Variants in GNPTAB observed in about 807,000 individuals in gnomAD.
GNPTAB encodes the protein N-acetylglucosamine-1-phosphate transferase subunits alpha and beta.
A neutral mutation model predicts 136.6 loss-of-function variants in GNPTAB; 92 were observed. The ratio of observed to expected loss-of-function variants is 0.67; its 90% CI spans 0.57 to 0.80. The LOEUF (loss-of-function observed/expected upper bound fraction) is 0.80. Ranked by LOEUF, GNPTAB falls within the 30% of genes least tolerant of loss-of-function variation. GNPTAB has a pLI of 0.00. For synonymous variants in GNPTAB, 512 were observed against 535.1 expected, an observed-to-expected ratio of 0.96 and a Z score of 0.60; for missense variants, 1,343 against 1,501.8, an observed-to-expected ratio of 0.89 and a Z score of 1.75.
At chr12:101,749,505 T>C (rs1182508947) in intron 19 of GNPTAB, among the ~76,000 whole-genome samples, 1 of 152,236 alleles carries the variant, frequency 6.6e-6, no homozygotes, top group East Asian at 1.9e-4. Flanking sequence ...ATTTATTCAC[T>C]CAGTTTCTTG....
At position 101,791,991 on chromosome 12, in the gene GNPTAB, G is replaced by A. The variant is rs1044832802; in HGVS notation, c.204-1934C>T. ...CTTCACGGAGCTTACATTCCAGAAG[G>A]GAGAAGACAGGAAGTAAATCAAATA... On this transcript the variant is annotated intron_variant, in intron 2 of 20. Coordinates refer to ENST00000299314, the MANE Select transcript of GNPTAB (RefSeq NM_024312.5). Among the ~76,000 whole-genome samples the A allele has an allele frequency of 3.9e-5, 6 of 152,268 alleles. 1 individual carries two copies. Among genetic ancestry groups the A allele is most frequent in the Admixed American group, 3.9e-4 (6 of 15,288 alleles).
At chr12:101,777,302 C>T (rs75665617) in intron 7 of GNPTAB, among the ~76,000 whole-genome samples, 1,923 of 152,292 alleles carry the variant, frequency 0.013, 14 homozygotes, top group Non-Finnish European at 0.02. Context: ...CTAGTATGTT[C>T]CTTAGAAGCA....
intron 1 of GNPTAB, among the ~76,000 whole-genome samples, chr12:101,818,129 A>C (rs1428962316): frequency 6.6e-6 from 1 of 152,084 alleles, no homozygotes; most frequent in African/African-American, 2.4e-5. Flanking sequence ...GAAGTTAATA[A>C]TGTCTCATAT....
In GNPTAB at chr12:101,803,054, T is replaced by TA. The variant is rs925599446; in HGVS notation, c.118-6293dup. 2.0e-3 allele frequency among the ~76,000 whole-genome samples: 296 copies of TA among 148,232 alleles called. 1 individual carries two copies. The highest frequency in any genetic ancestry group is 6.1e-3 in the African/African-American group (248 of 40,464). ...AATCTCCAGGGAATTAGGCTGAGTTTAAAAAAAAAAGTCTCAAAAGTCCAG... is the reference window on the plus strand; with the variant it reads ...AATCTCCAGGGAATTAGGCTGAGTTTAAAAAAAAAAAGTCTCAAAAGTCCAG... On this transcript the variant is annotated intron_variant, in intron 1 of 20. Coordinates refer to ENST00000299314, the MANE Select transcript of GNPTAB (RefSeq NM_024312.5).
At position 101,746,615 on chromosome 12, in the gene GNPTAB, T is replaced by C. The variant is rs1448848880; in HGVS notation, c.*549A>G. On this transcript the variant is annotated 3_prime_UTR_variant, in exon 21 of 21. Transcript: ENST00000299314. The stretch of plus-strand genomic sequence containing the variant: ...TTAATAAAACTCATAATTTAGGTAT[T>C]GTCAATAAGAGGTGATATTGCTGCA... 1.3e-5 allele frequency: 2 copies of C among 153,680 alleles called. No individual in the cohort carries two copies. Among genetic ancestry groups the C allele is most frequent in the Non-Finnish European group, 2.9e-5 (2 of 69,034 alleles). 9.5% of individuals were successfully genotyped at this position (153,680 alleles called of 1,614,324 possible).
In GNPTAB at chr12:101,786,202, C is replaced by T. The variant is rs1185319004; in HGVS notation, c.381G>A (p.Glu127=). 5.0e-6 allele frequency: 8 copies of T among 1,613,044 alleles called. No individual in the cohort carries two copies. The highest frequency in any genetic ancestry group is 6.8e-6 in the Non-Finnish European group (8 of 1,179,378). The change falls in exon 5 of 21, where the codon GAG becomes GAA. Residue 127 remains glutamate, a synonymous_variant. Transcript: ENST00000299314. The part of the protein sequence containing the change: ...EPTKKSEKQL[E]CLLTHCIKVP... ...CCTTAATGCAGTGTGTTAGCAAACACTCTAACTGCTTCTCACTGGAAAGAA... is the reference window on the plus strand; with the variant it reads ...CCTTAATGCAGTGTGTTAGCAAACATTCTAACTGCTTCTCACTGGAAAGAA...
chr12:101,762,425 C>T lies in GNPTAB; in HGVS notation c.2716-662G>A, dbSNP rs112076334. Among the ~76,000 whole-genome samples, 915 of 152,258 alleles carry T rather than the reference C, an allele frequency of 6.0e-3. 7 individuals carry two copies. The highest frequency in any genetic ancestry group is 0.021 in the African/African-American group (874 of 41,540). ...CTGTTTGTGGAAATATGAAGTGGTG[C>T]AACATTTCAGAAAGACATATTTAAA... On this transcript the variant is annotated intron_variant, in intron 13 of 20. Coordinates refer to ENST00000299314, the MANE Select transcript of GNPTAB (RefSeq NM_024312.5).
At chr12:101,808,861 T>C (rs1485776754) in intron 1 of GNPTAB, among the ~76,000 whole-genome samples, 7 of 152,298 alleles carry the variant, frequency 4.6e-5, no homozygotes, top group Non-Finnish European at 7.4e-5. Context: ...GGCAGGAGAA[T>C]TGCCTGAACC....
chr12:101,791,303 C>T (rs1038273953), intron 2 of GNPTAB, among the ~76,000 whole-genome samples: 11 of 152,132 alleles, frequency 7.2e-5, no homozygotes, highest in Non-Finnish European at 1.3e-4. Flanking sequence ...ATGCATGCCA[C>T]TTTGACTTAT....
chr12:101,770,711 A>G (rs1304546021), intron 8 of GNPTAB, 126 bp from the exon 9 acceptor site: 1 of 750,614 alleles, frequency 1.3e-6, no homozygotes, highest in Non-Finnish European at 2.3e-6. Flanking sequence ...ATGGAGTCCT[A>G]ATTTTAAACA....
At chr12:101,755,776 C>A (rs144928589) in intron 18 of GNPTAB, among the ~76,000 whole-genome samples, 1 of 152,310 alleles carries the variant, frequency 6.6e-6, no homozygotes, top group East Asian at 1.9e-4. Context: ...ATGATAAAAT[C>A]TGTTCAGGTA....
intron 1 of GNPTAB, among the ~76,000 whole-genome samples, chr12:101,823,609 C>CAAAAAA (rs5800490): frequency 7.7e-5 from 7 of 91,324 alleles, no homozygotes; most frequent in African/African-American, 1.3e-4. Context: ...GACTCCGTCT[C>CAAAAAA]AAAAAAAAAA....
chr12:101,751,480 C>T (rs551305378), intron 19 of GNPTAB, among the ~76,000 whole-genome samples: 1 of 152,168 alleles, frequency 6.6e-6, no homozygotes, highest in Admixed American at 6.5e-5. Context: ...AGCAAAGGGT[C>T]AAAAATCTTC....
chr12:101,830,274 A>T (rs1394548452), intron 1 of GNPTAB, among the ~76,000 whole-genome samples: 1 of 152,134 alleles, frequency 6.6e-6, no homozygotes, highest in African/African-American at 2.4e-5. Context: ...AAAATCACAT[A>T]CATGCCTTTT....
chr12:101,753,159 C>T (rs1211347376), intron 19 of GNPTAB, among the ~76,000 whole-genome samples: 1 of 151,456 alleles, frequency 6.6e-6, no homozygotes, highest in Admixed American at 6.6e-5. Context: ...GAGGCTGAGG[C>T]AGAAGAATCA....
intron 1 of GNPTAB, among the ~76,000 whole-genome samples, chr12:101,813,907 C>T (rs1241231728): frequency 6.6e-6 from 1 of 151,820 alleles, no homozygotes; most frequent in Non-Finnish European, 1.5e-5. Context: ...GGTGAAACCC[C>T]GTCTCTACTA....
chr12:101,774,771 C>T (rs1489214406), intron 7 of GNPTAB, among the ~76,000 whole-genome samples: 1 of 152,100 alleles, frequency 6.6e-6, no homozygotes, highest in Admixed American at 6.5e-5. Flanking sequence ...GCATTGTAGC[C>T]TATATTTAAA....
intron 19 of GNPTAB, 75 bp downstream of exon 19, chr12:101,753,297 C>T: frequency 1.7e-6 from 2 of 1,156,208 alleles, no homozygotes; most frequent in Non-Finnish European, 2.5e-6. Context: ...AAAAACATTT[C>T]ATCACTAACA....
intron 19 of GNPTAB, among the ~76,000 whole-genome samples, chr12:101,752,260 C>T (rs1952830849): frequency 6.6e-6 from 1 of 152,162 alleles, no homozygotes; most frequent in African/African-American, 2.4e-5. Context: ...CCTGTCTCTA[C>T]TAAAAATAAC....
Sources: gnomAD v4.1 joint callset for allele counts (sites outside exome capture counted in the v4.1 genomes callset) on GRCh38, gnomAD v4.1.1 for gene constraint, MANE v1.5 for transcripts, NCBI Gene and HGNC (gene_info 2026-07-23, HGNC 2026-07-21) for gene names.